The following BCAP29 variants were observed in gnomAD, a reference collection of about 807,000 sequenced individuals.
BCAP29 encodes B cell receptor associated protein 29, also known as B-cell receptor-associated protein 29.
Under a neutral mutation model 31.8 loss-of-function variants are expected in BCAP29, and 34 were observed. The observed-to-expected ratio is 1.07, with a 90% CI of 0.81 to 1.42. The LOEUF (loss-of-function observed/expected upper bound fraction) is 1.42. Ranked by LOEUF, BCAP29 falls within the 40% of genes most tolerant of loss-of-function variation. BCAP29 has a pLI of 0.00. For missense variants in BCAP29, 314 were observed against 269.2 expected (o/e 1.17, Z -1.16); for synonymous variants, 104 against 91.3 (o/e 1.14, Z -0.79).
intron 3 of BCAP29, among the ~76,000 whole-genome samples, chr7:107,590,830 A>T (rs1027172444): frequency 9.6e-6 from 1 of 103,864 alleles, no homozygotes; most frequent in Non-Finnish European, 2.6e-5. Flanking sequence ...GAAAAAAAAA[A>T]AAAAAAGAAA....
intron 5 of BCAP29, among the ~76,000 whole-genome samples, chr7:107,599,465 A>C (rs1355498854): frequency 1.4e-5 from 2 of 146,498 alleles, no homozygotes; most frequent in Admixed American, 6.9e-5. Flanking sequence ...GGCTGAAGAG[A>C]CTATGGGTTG....
At position 107,595,921 on chromosome 7, in the gene BCAP29, C is replaced by G; in HGVS notation, c.399C>G (p.Asn133Lys). Reference protein sequence around the residue: ...LITQLAKELSNKGVLKTQAEN... With the variant: ...LITQLAKELSKKGVLKTQAEN... ...CTCAACTGGCAAAAGAACTGTCAAA[C>G]AAAGGTGTACTTAAAACTCAAGCAG... The change falls in exon 5 of 8, where the codon AAC becomes AAG. Residue 133 changes from asparagine to lysine, a missense_variant. Transcript: ENST00000005259. 4 of 1,599,050 alleles carry G rather than the reference C, an allele frequency of 2.5e-6. No individual in the cohort carries two copies. The highest frequency in any genetic ancestry group is 2.6e-6 in the Non-Finnish European group (3 of 1,175,256).
intron 2 of BCAP29, 58 bp from the exon 3 acceptor site, chr7:107,583,824 G>C: frequency 3.7e-6 from 3 of 804,364 alleles, no homozygotes; most frequent in Non-Finnish European, 5.7e-6. Flanking sequence ...TATTTAAAAA[G>C]TATTTCAAAA....
At chr7:107,601,200 A>G (rs1434174114) in intron 6 of BCAP29, among the ~76,000 whole-genome samples, 2 of 152,354 alleles carry the variant, frequency 1.3e-5, no homozygotes, top group African/African-American at 2.4e-5. Flanking sequence ...GTGTCATCCA[A>G]GAAAACTCAG....
At chr7:107,612,999 A>G (rs549517208) in intron 6 of BCAP29, among the ~76,000 whole-genome samples, 9 of 152,320 alleles carry the variant, frequency 5.9e-5, no homozygotes, top group Non-Finnish European at 1.2e-4. Context: ...TGGCATATGG[A>G]TGATAAATTA....
chr7:107,589,239 C>A (rs376914303), intron 3 of BCAP29, among the ~76,000 whole-genome samples: 2 of 152,074 alleles, frequency 1.3e-5, no homozygotes. Flanking sequence ...GGGATGGTTT[C>A]GGGATGATTC....
At chr7:107,582,280 G>C (rs2057837) in intron 2 of BCAP29, among the ~76,000 whole-genome samples, 112,485 of 152,072 alleles carry the variant, frequency 0.74, 41,789 homozygotes, top group South Asian at 0.84. Context: ...TACCCATCCT[G>C]ATCAAGTAGC....
chr7:107,613,458 C>T, intron 7 of BCAP29, 26 bp downstream of exon 7: 1 of 1,519,262 alleles, frequency 6.6e-7, no homozygotes, highest in Non-Finnish European at 9.1e-7. Context: ...ACTTTATGCA[C>T]CTAAATGTTT....
intron 5 of BCAP29, among the ~76,000 whole-genome samples, chr7:107,596,462 G>T (rs1034428556): frequency 2.0e-5 from 3 of 152,068 alleles, no homozygotes; most frequent in African/African-American, 7.2e-5. Flanking sequence ...ATTGATAATT[G>T]CACATAATAT....
chr7:107,594,224 T>C, intron 4 of BCAP29, 119 bp downstream of exon 4: 1 of 929,800 alleles, frequency 1.1e-6, no homozygotes, highest in Non-Finnish European at 1.6e-6. Flanking sequence ...CCTTTCGCTC[T>C]GTTGCCCAGG....
At chr7:107,607,534 A>T (rs999727765) in intron 6 of BCAP29, among the ~76,000 whole-genome samples, 3 of 151,702 alleles carry the variant, frequency 2.0e-5, no homozygotes, top group Admixed American at 1.3e-4. Context: ...TTACTATATC[A>T]TATTATTACA....
intron 2 of BCAP29, among the ~76,000 whole-genome samples, chr7:107,582,990 C>T (rs941406328): frequency 6.6e-6 from 1 of 152,156 alleles, no homozygotes; most frequent in African/African-American, 2.4e-5. Flanking sequence ...TGAAGTTGTC[C>T]TAATCTTAAA....
At chr7:107,602,601 A>C (rs987285511) in intron 6 of BCAP29, among the ~76,000 whole-genome samples, 21 of 152,208 alleles carry the variant, frequency 1.4e-4, no homozygotes, top group African/African-American at 4.6e-4. Flanking sequence ...TTTCCATATG[A>C]ATTTTCTTAT....
intron 6 of BCAP29, among the ~76,000 whole-genome samples, chr7:107,601,740 T>C (rs1039812971): frequency 2.0e-5 from 3 of 152,238 alleles, no homozygotes; most frequent in Admixed American, 6.5e-5. Context: ...GCATAAAATA[T>C]TGCTACCAAT....
intron 3 of BCAP29, among the ~76,000 whole-genome samples, chr7:107,585,275 A>G (rs1217426649): frequency 1.3e-5 from 2 of 152,328 alleles, no homozygotes; most frequent in Non-Finnish European, 2.9e-5. Context: ...CAATCTCTCA[A>G]ATAGAATCCT....
chr7:107,592,304 G>A (rs1232779654), intron 3 of BCAP29, among the ~76,000 whole-genome samples: 1 of 152,150 alleles, frequency 6.6e-6, no homozygotes, highest in Non-Finnish European at 1.5e-5. Flanking sequence ...TTCCAAAGAT[G>A]ATATACAAAT....
chr7:107,620,251 C>A lies in BCAP29; in HGVS notation c.*1888C>A, dbSNP rs186580286. On this transcript the variant is annotated 3_prime_UTR_variant, in exon 8 of 8. Transcript: ENST00000005259. ...GCTGTAAGTCTAGAATTTAGATATCCTGATCCCCCAGATACCGCTCTTCTG... is the reference window on the plus strand; with the variant it reads ...GCTGTAAGTCTAGAATTTAGATATCATGATCCCCCAGATACCGCTCTTCTG... 5.3e-5 allele frequency: 8 copies of A among 152,296 alleles called. No individual in the cohort carries two copies. The East Asian group carries it at 1.3e-3, about 26-fold the overall frequency. The allele number at this position is 152,296 out of a possible 1,614,324, so 9.4% of individuals were successfully genotyped here. A position where few individuals can be genotyped will look rare whatever the true frequency, so the allele number is the denominator to read the frequency against.
chr7:107,591,656 A>ACACACACACACACACACACACACACACAC, intron 3 of BCAP29, among the ~76,000 whole-genome samples: 8 of 136,070 alleles, frequency 5.9e-5, no homozygotes, highest in African/African-American at 1.1e-4. Context: ...ACACACACAC[A>ACACACACACACACACACACACACACACAC]CCCTATTGGT....
intron 6 of BCAP29, among the ~76,000 whole-genome samples, chr7:107,607,814 A>C (rs1425806684): frequency 6.6e-6 from 1 of 151,312 alleles, no homozygotes; most frequent in Non-Finnish European, 1.5e-5. Context: ...TAATTTTTGT[A>C]TTTTTAGTAG....
Sources: gnomAD v4.1 joint callset for allele counts (sites outside exome capture counted in the v4.1 genomes callset) on GRCh38, gnomAD v4.1.1 for gene constraint, MANE v1.5 for transcripts, NCBI Gene and HGNC (gene_info 2026-07-23, HGNC 2026-07-21) for gene names.